TICRR: variants seen among roughly 807,000 people sequenced by gnomAD.
TICRR encodes the protein TOPBP1 interacting checkpoint and replication regulator, also known as treslin.
In TICRR, 132 loss-of-function variants were observed where a neutral mutation model predicts 178.1. That is an observed-to-expected ratio of 0.74 (90% confidence interval 0.64 to 0.86). TICRR has a LOEUF of 0.86. Ranked by LOEUF, TICRR falls within the 40% of genes least tolerant of loss-of-function variation. The pLI is 0.00. For synonymous variants in TICRR, 991 were observed against 900.7 expected (o/e 1.10, Z -1.79); for missense variants, 2,587 against 2,334.3 (o/e 1.11, Z -2.23).
At chr15:89,611,061 A>C (rs1461582169) in intron 15 of TICRR, among the ~76,000 whole-genome samples, 1 of 152,064 alleles carries the variant, frequency 6.6e-6, no homozygotes, top group Non-Finnish European at 1.5e-5. Context: ...TTAAAAAAAA[A>C]ACAAAATTAC....
intron 7 of TICRR, among the ~76,000 whole-genome samples, chr15:89,597,474 G>A (rs1014275722): frequency 2.7e-5 from 4 of 150,326 alleles, no homozygotes; most frequent in African/African-American, 7.3e-5. Context: ...GCAGTGAGCC[G>A]AGATTGCGCC....
At position 89,582,803 on chromosome 15, in the gene TICRR, ATGC is replaced by A; in HGVS notation, c.777_779del (p.Leu260del). Reference sequence around the variant, plus strand: ...CTGGGATTTTGCTCAAGCTGGGGAAATGCTGCTCAGGAGTGGAATAAAGCTGTC... The same window carrying A: ...CTGGGATTTTGCTCAAGCTGGGGAAATGCTCAGGAGTGGAATAAAGCTGTC... On this transcript the variant is annotated inframe_deletion, in exon 2 of 22. Coordinates refer to ENST00000268138, the MANE Select transcript of TICRR (RefSeq NM_152259.4). 1 of 1,614,144 alleles carries A rather than the reference ATGC, an allele frequency of 6.2e-7. No individual in the cohort carries two copies. The highest frequency in any genetic ancestry group is 8.5e-7 in the Non-Finnish European group (1 of 1,180,032).
intron 9 of TICRR, 102 bp from the exon 10 acceptor site, chr15:89,601,196 T>G: frequency 2.1e-6 from 2 of 935,790 alleles, no homozygotes; most frequent in Non-Finnish European, 3.2e-6. Context: ...TCTCCTCCTT[T>G]TTGGTTGTTG....
intron 16 of TICRR, 53 bp downstream of exon 16, chr15:89,616,548 G>C: frequency 2.8e-6 from 4 of 1,416,604 alleles, no homozygotes; most frequent in Non-Finnish European, 4.0e-6. Context: ...ACCTCAAAGC[G>C]GCCTTGTGGG....
At chr15:89,621,873 TGC>T (rs1963430778) in intron 19 of TICRR, among the ~76,000 whole-genome samples, 1 of 152,030 alleles carries the variant, frequency 6.6e-6, no homozygotes, top group Non-Finnish European at 1.5e-5. Context: ...TCCGTTTGAT[TGC>T]CCACTCCATC....
intron 3 of TICRR, 113 bp from the exon 4 acceptor site, chr15:89,585,595 G>T: frequency 1.3e-6 from 1 of 748,048 alleles, no homozygotes; most frequent in South Asian, 1.8e-5. Context: ...CTTTTTCATA[G>T]TTTTCACGTT....
intron 1 of TICRR, among the ~76,000 whole-genome samples, chr15:89,577,514 A>G (rs1291439301): frequency 1.3e-5 from 2 of 151,860 alleles, no homozygotes; most frequent in Non-Finnish European, 2.9e-5. Context: ...GACAATTTCA[A>G]ATCATGCTCT....
chr15:89,590,911 A>G (rs773405490), intron 4 of TICRR, among the ~76,000 whole-genome samples: 43 of 152,298 alleles, frequency 2.8e-4, no homozygotes, highest in Non-Finnish European at 5.4e-4. Context: ...CTGGGGTCTT[A>G]GATGGATCTC....
Position 89,598,150 on chromosome 15 carries a change from T to TTTG in TICRR, c.1901-1172_1901-1171insGTT, listed in dbSNP as rs1567044290. Among the ~76,000 whole-genome samples the TTTG allele has an allele frequency of 4.9e-3, 255 of 51,960 alleles. 1 individual carries two copies. Among genetic ancestry groups the TTTG allele is most frequent in the Non-Finnish European group, 0.01 (169 of 16,294 alleles). The allele number at this position is 51,960 out of a possible 152,430, so 34.1% of individuals were successfully genotyped here. On this transcript the variant is annotated intron_variant, in intron 7 of 21. Transcript: ENST00000268138. ...TTTTTGTTTGTTTGTTTGTTTGTTT[T>TTTG]TTTTAGTAGAGATGGGGTTTCACCG...
chr15:89,621,420 G>C lies in TICRR; in HGVS notation c.3182G>C (p.Ser1061Thr). The C allele has an allele frequency of 6.2e-7, 1 of 1,609,946 alleles. No homozygotes were observed. Among genetic ancestry groups the C allele is most frequent in the Non-Finnish European group, 8.5e-7 (1 of 1,179,072 alleles). ...CAAAGAGAAAATTCTCCAGTCCAAAGTATTCGGTCTCCCAAGAGTCTTCTT... is the reference window on the plus strand; with the variant it reads ...CAAAGAGAAAATTCTCCAGTCCAAACTATTCGGTCTCCCAAGAGTCTTCTT... ...SDQRENSPVQ[S>T]IRSPKSLLFG... is the part of the protein sequence containing the mutation. Residue 1061 changes from serine (S) to threonine (T), a missense_variant, in exon 19 of 22, where the codon AGT becomes ACT. By Grantham distance (58) the Ser-to-Thr change is moderately conservative. Transcript: ENST00000268138.
In TICRR at chr15:89,601,760, C is replaced by T. The variant is rs754233027; in HGVS notation, c.2351C>T (p.Thr784Ile). Reference sequence around the variant, plus strand: ...AGGTATATTGACTCTATCCCAAAGACACTTGGAAATCTTTACAACAGCCTA... The same window carrying T: ...AGGTATATTGACTCTATCCCAAAGATACTTGGAAATCTTTACAACAGCCTA... ...LRLYIDSIPKTLGNLYNSLGF... is the reference protein window; with the variant it reads ...LRLYIDSIPKILGNLYNSLGF... Residue 784 changes from threonine to isoleucine, a missense_variant, in exon 12 of 22, where the codon ACA becomes ATA. Physicochemically the swap from Thr to Ile is moderately conservative, Grantham distance 89. Coordinates refer to ENST00000268138, the MANE Select transcript of TICRR (RefSeq NM_152259.4). 6.2e-7 allele frequency: 1 copy of T among 1,614,128 alleles called. No individual in the cohort carries two copies. Among genetic ancestry groups the T allele is most frequent in the African/African-American group, 1.3e-5 (1 of 75,030 alleles).
rs768152226 is a variant in TICRR at position 89,618,169 on chromosome 15, C to T, written c.2978C>T (p.Pro993Leu). 3 of 1,613,994 alleles carry T rather than the reference C, an allele frequency of 1.9e-6. No individual in the cohort carries two copies. The highest frequency in any genetic ancestry group is 1.1e-5 in the South Asian group (1 of 91,080). ...TCCTCGAGGTCCTCTGATCCTGGTC[C>T]TGATATTGGTGTTGTTGAAGAGTCC... ...QIKGRSSDPG[P>L]DIGVVEESPE... Residue 993 changes from proline (P) to leucine (L), a missense_variant, in exon 17 of 22, where the codon CCT (proline) becomes CTT (leucine). Physicochemically the swap from Pro to Leu is moderately conservative, Grantham distance 98. Transcript: ENST00000268138.
chr15:89,577,282 T>A (rs1309532435), intron 1 of TICRR, among the ~76,000 whole-genome samples: 2 of 151,926 alleles, frequency 1.3e-5, no homozygotes, highest in Admixed American at 1.3e-4. Context: ...AAACTTAAAG[T>A]CTTAAATGGC....
intron 13 of TICRR, among the ~76,000 whole-genome samples, chr15:89,603,925 A>G (rs1351913228): frequency 1.3e-5 from 2 of 152,182 alleles, no homozygotes; most frequent in African/African-American, 2.4e-5. Flanking sequence ...TTTTGGGGCC[A>G]TGGTTGACTA....
intron 13 of TICRR, among the ~76,000 whole-genome samples, chr15:89,604,831 G>T (rs1037258162): frequency 6.0e-5 from 9 of 149,258 alleles, no homozygotes; most frequent in Non-Finnish European, 1.3e-4. Context: ...GTTTTTTCAT[G>T]TCAAAGTTGG....
intron 15 of TICRR, among the ~76,000 whole-genome samples, chr15:89,615,127 C>G (rs1195501883): frequency 6.6e-6 from 1 of 152,178 alleles, no homozygotes; most frequent in African/African-American, 2.4e-5. Flanking sequence ...TGTTATTGCA[C>G]CAAATGTTAC....
At chr15:89,603,752 A>G (rs2141967224) in intron 13 of TICRR, among the ~76,000 whole-genome samples, 1 of 152,362 alleles carries the variant, frequency 6.6e-6, no homozygotes, top group Non-Finnish European at 1.5e-5. Context: ...CCCTATATAT[A>G]GTACTGTTTT....
intron 5 of TICRR, 76 bp from the exon 6 acceptor site, chr15:89,594,339 G>A: frequency 7.7e-7 from 1 of 1,296,384 alleles, no homozygotes; most frequent in Non-Finnish European, 1.1e-6. Context: ...GAGGATAGTG[G>A]GTATTTTGGT....
chr15:89,592,526 A>C (rs1962930170), intron 5 of TICRR, among the ~76,000 whole-genome samples: 1 of 152,224 alleles, frequency 6.6e-6, no homozygotes, highest in South Asian at 2.1e-4. Context: ...TTTATACTTA[A>C]AGAAGTATTT....
Sources: gnomAD v4.1 joint callset for allele counts (sites outside exome capture counted in the v4.1 genomes callset) on GRCh38, gnomAD v4.1.1 for gene constraint, MANE v1.5 for transcripts, NCBI Gene and HGNC (gene_info 2026-07-23, HGNC 2026-07-21) for gene names.